Variants in EPHA1 observed in about 807,000 individuals in gnomAD.
EPHA1 encodes the protein EPH receptor A1.
In EPHA1, 92 loss-of-function variants were observed where a neutral mutation model predicts 110.1. The observed-to-expected ratio is 0.84, with a 90% CI of 0.71 to 0.99. The LOEUF (loss-of-function observed/expected upper bound fraction) is 0.99, where lower values mean the gene tolerates loss of function less well. EPHA1 is among the 50% of genes least tolerant of loss of function. The probability of loss-of-function intolerance (pLI) is 0.00; values close to 1 mark genes in which losing one functional copy is unlikely to be tolerated. For synonymous variants in EPHA1, 500 were observed against 516.1 expected (o/e 0.97, Z 0.42); for missense variants, 1,204 against 1,285.4 (o/e 0.94, Z 0.97).
At position 143,401,182 on chromosome 7, in the gene EPHA1, C is replaced by A; in HGVS notation, c.432+142G>T. ...CACTGGAATTACAGGCACAAGCCAC[C>A]ATGCCCAGCCTTCAAGCGCCAAATT... On this transcript the variant is annotated intron_variant, in intron 3 of 17. Coordinates refer to ENST00000275815, the MANE Select transcript of EPHA1 (RefSeq NM_005232.5). This position sits in a 1 kb window ranked among gnomAD's most constrained non-coding sequence, Gnocchi z 4.1. The A allele has an allele frequency of 4.6e-6, 5 of 1,089,454 alleles. No homozygotes were observed. Among genetic ancestry groups the A allele is most frequent in the Non-Finnish European group, 6.5e-6 (5 of 767,460 alleles). The allele number at this position is 1,089,454 out of a possible 1,614,324, so 67.5% of individuals were successfully genotyped here. A position where few individuals can be genotyped will look rare whatever the true frequency, so the allele number is the denominator to read the frequency against.
chr7:143,407,404 C>T (rs1805581555), intron 2 of EPHA1, among the ~76,000 whole-genome samples: 1 of 152,092 alleles, frequency 6.6e-6, no homozygotes, highest in Non-Finnish European at 1.5e-5. Flanking sequence ...AGGAGCCAGG[C>T]CATTCAAGCG....
chr7:143,398,136 A>G, intron 7 of EPHA1, 66 bp from the exon 8 acceptor site: 1 of 1,599,438 alleles, frequency 6.3e-7, no homozygotes, highest in Non-Finnish European at 8.5e-7. Context: ...GATGGACAGC[A>G]TCAGAGCACA....
At chr7:143,394,452 C>G (rs1041155014) in intron 14 of EPHA1, 109 bp from the exon 15 acceptor site, 1 of 1,333,590 alleles carries the variant, frequency 7.5e-7, no homozygotes, top group Admixed American at 2.7e-5. Context: ...GACAAAGTCT[C>G]GCTCTGTTGC....
intron 2 of EPHA1, among the ~76,000 whole-genome samples, chr7:143,402,042 C>T (rs1341183053): frequency 6.6e-6 from 1 of 151,934 alleles, no homozygotes; most frequent in Non-Finnish European, 1.5e-5. Context: ...CTCAGTCTCC[C>T]AAGTAGCTGG....
In EPHA1 at chr7:143,393,638, C is replaced by T. The variant is rs780678777; in HGVS notation, c.2696+33G>A. The T allele has an allele frequency of 3.1e-6, 5 of 1,607,268 alleles. No individual in the cohort carries two copies. The highest frequency in any genetic ancestry group is 4.2e-6 in the Non-Finnish European group (5 of 1,176,928). ...CATTTCCACTCTCCTAGCGCTGCCT[C>T]TGGGTTCCCTAGTCCTTCCCCTGCA... On this transcript the variant is annotated intron_variant, in intron 16 of 17. Coordinates refer to ENST00000275815, the MANE Select transcript of EPHA1 (RefSeq NM_005232.5). This position sits in a 1 kb window ranked among gnomAD's most constrained non-coding sequence, Gnocchi z 5.6.
intron 6 of EPHA1, 75 bp from the exon 7 acceptor site, chr7:143,398,523 T>G: frequency 6.2e-7 from 1 of 1,608,804 alleles, no homozygotes; most frequent in East Asian, 2.2e-5. Flanking sequence ...TATGGCTTCC[T>G]GCCCATCAGT....
chr7:143,407,844 A>T, intron 1 of EPHA1, 166 bp from the exon 2 acceptor site: 1 of 544,056 alleles, frequency 1.8e-6, no homozygotes, highest in South Asian at 2.7e-5. Flanking sequence ...TGAGGAGTGA[A>T]GAGCTCCAGG....
chr7:143,393,126 G>A lies in EPHA1; in HGVS notation c.2696+545C>T, dbSNP rs376220440. Among the ~76,000 whole-genome samples the A allele has an allele frequency of 1.8e-4, 27 of 152,198 alleles. No individual in the cohort carries two copies. In the East Asian group the frequency reaches 3.7e-3, roughly 21 times the overall value. On this transcript the variant is annotated intron_variant, in intron 16 of 17. Transcript: ENST00000275815. The surrounding 1 kb of genome is among the most constrained non-coding windows in gnomAD (Gnocchi z 5.6). Reference sequence around the variant, plus strand: ...CCTCAGCTCCCCACAGACTAGCCATGTGATCCAGAAGCCTTCCCAAACCCT... The same window carrying A: ...CCTCAGCTCCCCACAGACTAGCCATATGATCCAGAAGCCTTCCCAAACCCT...
Position 143,401,082 on chromosome 7 carries a change from G to A in EPHA1, c.432+242C>T, listed in dbSNP as rs1043389452. 1 of 559,048 alleles carries A rather than the reference G, an allele frequency of 1.8e-6. No individual in the cohort carries two copies. Among genetic ancestry groups the A allele is most frequent in the African/African-American group, 1.9e-5 (1 of 53,032 alleles). 34.6% of individuals were successfully genotyped at this position (559,048 alleles called of 1,614,324 possible). On this transcript the variant is annotated intron_variant, in intron 3 of 17. Transcript: ENST00000275815. The surrounding 1 kb of genome is among the most constrained non-coding windows in gnomAD (Gnocchi z 4.1). ...GTGATTTTTAATTTTTTGCAGAGAT[G>A]AAGTTTTGCTATGTTGCCCAGGCTG...
chr7:143,408,052 C>T (rs1374082541), intron 1 of EPHA1, among the ~76,000 whole-genome samples: 1 of 152,104 alleles, frequency 6.6e-6, no homozygotes, highest in Non-Finnish European at 1.5e-5. Context: ...CCTCTGCTAG[C>T]CAGGAGTGGG....
At chr7:143,398,293 G>C in intron 7 of EPHA1, 28 bp downstream of exon 7, 1 of 1,613,078 alleles carries the variant, frequency 6.2e-7, no homozygotes, top group Non-Finnish European at 8.5e-7. Flanking sequence ...CATGGACACT[G>C]AAGACCATCT....
chr7:143,407,558 T>C (rs1805589150), intron 2 of EPHA1, 53 bp downstream of exon 2: 1 of 1,575,134 alleles, frequency 6.3e-7, no homozygotes, highest in Non-Finnish European at 8.7e-7. Context: ...TCCACCCCAT[T>C]TCCCACTGGC....
chr7:143,399,205 G>T (rs1805346021), intron 5 of EPHA1, 53 bp downstream of exon 5: 1 of 1,576,404 alleles, frequency 6.3e-7, no homozygotes, highest in African/African-American at 1.4e-5. Context: ...CAAAGTCTCA[G>T]CAAAGATCCA....
intron 9 of EPHA1, 21 bp downstream of exon 9, chr7:143,397,540 G>GC (rs1470176029): frequency 3.8e-5 from 61 of 1,612,912 alleles, no homozygotes; most frequent in Non-Finnish European, 5.2e-5. Flanking sequence ...TGGTGGTTGG[G>GC]GAGGGGGCAG....
chr7:143,400,807 A>G (rs2116630107), intron 3 of EPHA1: 1 of 159,446 alleles, frequency 6.3e-6, no homozygotes, highest in Non-Finnish European at 1.4e-5. Flanking sequence ...TAGGCAACAA[A>G]AGCTGGAGAG....
In EPHA1 at chr7:143,391,330, T is replaced by G; in HGVS notation, c.*127A>C. On this transcript the variant is annotated 3_prime_UTR_variant, in exon 18 of 18. Transcript: ENST00000275815. ...GTGCAGAGCAGGGTTCTCCTGAAAG[T>G]GGGCAGAAGCAGCACCGATAGCCTA... 1.8e-6 allele frequency: 2 copies of G among 1,124,818 alleles called. No homozygotes were observed. The highest frequency in any genetic ancestry group is 2.6e-6 in the Non-Finnish European group (2 of 782,724). 69.7% of individuals were successfully genotyped at this position (1,124,818 alleles called of 1,614,324 possible).
rs1243544445 is a variant in EPHA1, at chr7:143,399,826, G to C, written c.660C>G (p.Gly220=). 2 of 1,609,602 alleles carry C rather than the reference G, an allele frequency of 1.2e-6. No individual in the cohort carries two copies. The highest frequency in any genetic ancestry group is 2.7e-5 in the African/African-American group (2 of 74,858). The change falls in exon 4 of 18, where the codon GGC becomes GGG. Residue 220 remains glycine (G), a synonymous_variant. Transcript: ENST00000275815. ...CCGCCACTTCCACCAACCCAGCGGG[G>C]CCAGGCAGAGTGTCTGGGAATTGGG... ...GLAQFPDTLP[G]PAGLVEVAGT... is the part of the protein sequence containing the mutation.
rs1354133707 is a variant in EPHA1, at chr7:143,393,834, A to G, written c.2533T>C (p.Leu845=). ...VMKSIEDGYR[L]PPPVDCPAPL... is the part of the protein sequence containing the mutation. ...GCAGGGCAGTCCACAGGAGGGGGCA[A>G]CCGGTACCCATCCTCAATGCTCTTC... Residue 845 remains leucine, a synonymous_variant, in exon 16 of 18, where the codon TTG becomes CTG. Transcript: ENST00000275815. The surrounding 1 kb of genome is among the most constrained non-coding windows in gnomAD (Gnocchi z 5.6). The G allele has an allele frequency of 3.8e-6, 6 of 1,582,390 alleles. No homozygotes were observed. The African/African-American group carries it at 4.0e-5, about 11-fold the overall frequency.
Position 143,398,746 on chromosome 7 carries a change from C to T in EPHA1, c.1191G>A (p.Arg397=), listed in dbSNP as rs1805330649. 2 of 1,614,038 alleles carry T rather than the reference C, an allele frequency of 1.2e-6. No individual in the cohort carries two copies. The highest frequency in any genetic ancestry group is 1.7e-6 in the Non-Finnish European group (2 of 1,179,992). ...CATGCACTGCAGGTGTGGTGAGCCCCCGGGCCCCCGGCGAGAAGTGCACGC... is the reference window on the plus strand; with the variant it reads ...CATGCACTGCAGGTGTGGTGAGCCCTCGGGCCCCCGGCGAGAAGTGCACGC... ...GVGVHFSPGA[R]GLTTPAVHVN... Residue 397 remains arginine (R), a synonymous_variant, in exon 6 of 18, where the codon CGG becomes CGA. Transcript: ENST00000275815.
Sources: allele counts gnomAD v4.1 joint callset (sites outside exome capture counted in the v4.1 genomes callset), GRCh38; gene constraint gnomAD v4.1.1; non-coding constraint Gnocchi (gnomAD v3.1); transcripts MANE v1.5; gene names NCBI Gene and HGNC (gene_info 2026-07-23, HGNC 2026-07-21).